LRFN2: variants seen among roughly 807,000 people sequenced by gnomAD.
The protein encoded by LRFN2 is leucine-rich repeat and fibronectin type-III domain-containing protein 2.
A neutral mutation model predicts 37.3 loss-of-function variants in LRFN2; 18 were observed. That is an observed-to-expected ratio of 0.48 (90% CI 0.33 to 0.72). The LOEUF is 0.72. LRFN2 is among the 30% of genes least tolerant of loss of function. The pLI is 0.02. For synonymous variants in LRFN2, 556 were observed against 466.6 expected, an observed-to-expected ratio of 1.19 and a Z score of -2.47; for missense variants, 1,006 against 1,060.7, an observed-to-expected ratio of 0.95 and a Z score of 0.72.
intron 1 of LRFN2, among the ~76,000 whole-genome samples, chr6:40,483,460 T>C (rs1301352125): frequency 2.6e-5 from 4 of 152,176 alleles, no homozygotes; most frequent in South Asian, 2.1e-4. Context: ...AGGTGCTTGA[T>C]CTGCAGAAGA....
chr6:40,421,424 A>G (rs6932438), intron 2 of LRFN2, among the ~76,000 whole-genome samples: 16,774 of 152,232 alleles, frequency 0.11, 1,018 homozygotes, highest in Non-Finnish European at 0.13. Flanking sequence ...TAAGATGTAC[A>G]TCAGTTCAAA....
intron 2 of LRFN2, among the ~76,000 whole-genome samples, chr6:40,400,572 C>A (rs1762717867): frequency 6.6e-6 from 1 of 151,488 alleles, no homozygotes; most frequent in South Asian, 2.1e-4. Context: ...AGGCATGCAC[C>A]ACCATACCTG....
intron 1 of LRFN2, among the ~76,000 whole-genome samples, chr6:40,470,608 CAA>C (rs35631332): frequency 0.032 from 4,300 of 133,260 alleles, 165 homozygotes; most frequent in African/African-American, 0.088. Flanking sequence ...GACTCTGTCT[CAA>C]AAAAAAAAAA....
chr6:40,459,022 G>C (rs1047290880), intron 1 of LRFN2, among the ~76,000 whole-genome samples: 2 of 152,238 alleles, frequency 1.3e-5, no homozygotes, highest in African/African-American at 4.8e-5. Flanking sequence ...TGGATTAAAA[G>C]ATGCTACAAC....
intron 1 of LRFN2, among the ~76,000 whole-genome samples, chr6:40,487,053 T>C (rs1764975641): frequency 6.6e-6 from 1 of 152,108 alleles, no homozygotes; most frequent in Non-Finnish European, 1.5e-5. Flanking sequence ...GGCGTTGGGA[T>C]CCTGATTCAA....
intron 1 of LRFN2, among the ~76,000 whole-genome samples, chr6:40,464,150 G>A (rs1191077279): frequency 1.3e-5 from 2 of 152,112 alleles, no homozygotes; most frequent in Non-Finnish European, 2.9e-5. Context: ...TTTCATATGG[G>A]TCTATTCTTT....
At chr6:40,470,031 C>A (rs144174153) in intron 1 of LRFN2, among the ~76,000 whole-genome samples, 2 of 152,336 alleles carry the variant, frequency 1.3e-5, no homozygotes, top group East Asian at 3.9e-4. Context: ...TGAATTCCCA[C>A]TGGTGGATTT....
chr6:40,577,779 A>C (rs1307264856), intron 1 of LRFN2, among the ~76,000 whole-genome samples: 1 of 106,686 alleles, frequency 9.4e-6, no homozygotes, highest in Non-Finnish European at 2.0e-5. Context: ...ATAATAAAAA[A>C]AAAAGGAAAA....
At chr6:40,475,574 G>A (rs972804573) in intron 1 of LRFN2, among the ~76,000 whole-genome samples, 2 of 152,162 alleles carry the variant, frequency 1.3e-5, no homozygotes, top group Non-Finnish European at 2.9e-5. Context: ...TCAGTGGAAA[G>A]ATATGTTATG....
At chr6:40,577,834 TA>T (rs1767325446) in intron 1 of LRFN2, among the ~76,000 whole-genome samples, 1 of 72,048 alleles carries the variant, frequency 1.4e-5, no homozygotes, top group Non-Finnish European at 3.0e-5. Context: ...TAAAAATAAA[TA>T]AAAATAAAAG....
chr6:40,463,723 C>A (rs1764398086), intron 1 of LRFN2, among the ~76,000 whole-genome samples: 1 of 129,326 alleles, frequency 7.7e-6, no homozygotes, highest in African/African-American at 2.9e-5. Context: ...GTCACCCAGG[C>A]TGGAGTGCAG....
chr6:40,540,201 G>A (rs757245678), intron 1 of LRFN2, among the ~76,000 whole-genome samples: 25 of 152,140 alleles, frequency 1.6e-4, no homozygotes, highest in Non-Finnish European at 3.1e-4. Flanking sequence ...GGTGCGTGCG[G>A]GGAAATACTA....
At chr6:40,418,714 A>G (rs1763151371) in intron 2 of LRFN2, among the ~76,000 whole-genome samples, 1 of 151,996 alleles carries the variant, frequency 6.6e-6, no homozygotes, top group African/African-American at 2.4e-5. Flanking sequence ...AAGTCACGCC[A>G]CCTCCCTATG....
chr6:40,405,018 C>T (rs188403553), intron 2 of LRFN2, among the ~76,000 whole-genome samples: 1 of 152,344 alleles, frequency 6.6e-6, no homozygotes, highest in African/African-American at 2.4e-5. Flanking sequence ...ACTGGCAAAG[C>T]TGCCTTGCCT....
Position 40,433,057 on chromosome 6 carries a change from G to A in LRFN2, c.57C>T (p.Asp19=), listed in dbSNP as rs147133948. The change falls in exon 2 of 3, where the codon GAC becomes GAT. Residue 19 remains aspartate, a synonymous_variant. Transcript: ENST00000338305. ...GGCAGACACAGTACTTGGGGCAGGC[G>A]TCGACCACGGCAAACGCCATGCCAA... ...LAFGMAFAVV[D]ACPKYCVCQN... 137 of 1,555,674 alleles carry A rather than the reference G, an allele frequency of 8.8e-5. No homozygotes were observed. The highest frequency in any genetic ancestry group is 8.3e-4 in the East Asian group (37 of 44,364).
chr6:40,419,194 T>C (rs1171381425), intron 2 of LRFN2, among the ~76,000 whole-genome samples: 1 of 152,226 alleles, frequency 6.6e-6, no homozygotes, highest in Non-Finnish European at 1.5e-5. Flanking sequence ...CAGCCTGTGA[T>C]ACAGCAGCAC....
In LRFN2 at chr6:40,392,558, C is replaced by A; in HGVS notation, c.1755G>T (p.Pro585=). The A allele has an allele frequency of 6.3e-7, 1 of 1,599,662 alleles. No homozygotes were observed. The change falls in exon 3 of 3, where the codon CCG becomes CCT. Residue 585 remains proline (P), a synonymous_variant. Transcript: ENST00000338305. This position sits in a 1 kb window ranked among gnomAD's most constrained non-coding sequence, Gnocchi z 4.7. ...VYSQTNGAQP[P]PPSSAPAGAP... Reference sequence around the variant, plus strand: ...CCCCGGCTGGTGCGCTGCTTGGAGGCGGTGGCTGGGCGCCGTTGGTCTGCG... The same window carrying A: ...CCCCGGCTGGTGCGCTGCTTGGAGGAGGTGGCTGGGCGCCGTTGGTCTGCG...
intron 1 of LRFN2, among the ~76,000 whole-genome samples, chr6:40,514,241 C>T (rs1765792041): frequency 6.6e-6 from 1 of 152,004 alleles, no homozygotes; most frequent in Non-Finnish European, 1.5e-5. Context: ...AGTTTTGACC[C>T]CCCACAACAC....
At position 40,438,365 on chromosome 6, in the gene LRFN2, C is replaced by A. The variant is rs551905798; in HGVS notation, c.-18-5234G>T. ...ATTGCACAAGGTACCCTTGTGCAGGCAGAAAGAGGTGTTCCTGCTGGCCAC... is the reference window on the plus strand; with the variant it reads ...ATTGCACAAGGTACCCTTGTGCAGGAAGAAAGAGGTGTTCCTGCTGGCCAC... On this transcript the variant is annotated intron_variant, in intron 1 of 2. Coordinates refer to ENST00000338305, the MANE Select transcript of LRFN2 (RefSeq NM_020737.3). Among the ~76,000 whole-genome samples the A allele has an allele frequency of 3.9e-5, 6 of 152,266 alleles. No individual in the cohort carries two copies. The East Asian group carries it at 1.2e-3, about 29-fold the overall frequency.
Sources: allele counts gnomAD v4.1 joint callset (sites outside exome capture counted in the v4.1 genomes callset), GRCh38; gene constraint gnomAD v4.1.1; non-coding constraint Gnocchi (gnomAD v3.1); transcripts MANE v1.5; gene names NCBI Gene and HGNC (gene_info 2026-07-23, HGNC 2026-07-21).